The following GCG variants were observed in gnomAD, a reference collection of about 807,000 sequenced individuals.
GCG encodes the protein pro-glucagon.
GCG carries 11 observed loss-of-function variants against 22.8 expected under a neutral mutation model. The ratio of observed to expected loss-of-function variants is 0.48; its 90% CI spans 0.30 to 0.80. The LOEUF is 0.80. GCG is among the 30% of genes least tolerant of loss of function. The pLI is 0.06. For missense variants in GCG, 222 were observed against 222.0 expected, an observed-to-expected ratio of 1.00 and a Z score of 0.00; for synonymous variants, 89 against 72.4, an observed-to-expected ratio of 1.23 and a Z score of -1.16.
chr2:162,149,547 C>A (rs1686783448), intron 1 of GCG, among the ~76,000 whole-genome samples: 2 of 152,020 alleles, frequency 1.3e-5, no homozygotes, highest in African/African-American at 4.8e-5. Flanking sequence ...TATGGTTAGC[C>A]TGAATGGCAC....
At position 162,147,429 on chromosome 2, in the gene GCG, T is replaced by C. The variant is rs1037733674; in HGVS notation, c.178A>G (p.Ser60Gly). 2.5e-6 allele frequency: 4 copies of C among 1,612,690 alleles called. No homozygotes were observed. Among genetic ancestry groups the C allele is most frequent in the African/African-American group, 2.7e-5 (2 of 74,856 alleles). Residue 60 changes from serine (S) to glycine (G), a missense_variant, in exon 3 of 6, where the codon AGT becomes GGT. Transcript: ENST00000418842. Reference sequence around the variant, plus strand: ...GAGTCCAGATACTTGCTGTAGTCACTGGTGAATGTGCCCTGTGAATGGCGC... The same window carrying C: ...GAGTCCAGATACTTGCTGTAGTCACCGGTGAATGTGCCCTGTGAATGGCGC... ...DKRHSQGTFT[S>G]DYSKYLDSRR... is the part of the protein sequence containing the mutation.
rs765303986 is a variant in GCG, at chr2:162,144,134, G to A, written c.429C>T (p.Gly143=). ...PEEVAIVEEL[G]RRHADGSFSD... is the part of the protein sequence containing the mutation. ...AGAAAGAACCATCAGCATGTCTGCG[G>A]CCAAGTTCTTCAACAATGGCGACCT... is the stretch of plus-strand genomic sequence containing the variant. The change falls in exon 5 of 6, where the codon GGC becomes GGT. Residue 143 remains glycine (G), a synonymous_variant. Transcript: ENST00000418842. The A allele has an allele frequency of 6.1e-5, 98 of 1,611,488 alleles. No individual in the cohort carries two copies. The highest frequency in any genetic ancestry group is 8.2e-5 in the Non-Finnish European group (96 of 1,177,830).
chr2:162,150,494 C>T (rs940345115), intron 1 of GCG, among the ~76,000 whole-genome samples: 16 of 151,976 alleles, frequency 1.1e-4, no homozygotes, highest in Non-Finnish European at 2.1e-4. Flanking sequence ...GATGATTAGA[C>T]AAAGGAACAT....
Position 162,145,604 on chromosome 2 carries a change from A to G in GCG, c.328T>C (p.Tyr110His), listed in dbSNP as rs1045696972. The change falls in exon 4 of 6, where the codon TAT becomes CAT. Residue 110 changes from tyrosine (Y) to histidine (H), a missense_variant. By Grantham distance (83) the Tyr-to-His change is moderately conservative (BLOSUM62 2). Coordinates refer to ENST00000418842, the MANE Select transcript of GCG (RefSeq NM_002054.5). The stretch of plus-strand genomic sequence containing the variant: ...TCCTTGGCAGCTTGGCCTTCCAAAT[A>G]AGAACTTACATCACTGGTAAAGGTC... The part of the protein sequence containing the change: ...EGTFTSDVSS[Y>H]LEGQAAKEFI... 2 of 1,612,208 alleles carry G rather than the reference A, an allele frequency of 1.2e-6. No individual in the cohort carries two copies. The highest frequency in any genetic ancestry group is 1.7e-6 in the Non-Finnish European group (2 of 1,178,826).
At chr2:162,144,234 T>A (rs898951298) in intron 4 of GCG, 64 bp from the exon 5 acceptor site, 74 of 1,253,136 alleles carry the variant, frequency 5.9e-5, no homozygotes, top group Non-Finnish European at 8.4e-5. Context: ...TCACAGATTG[T>A]CTACCACTGG....
At chr2:162,149,249 G>T in intron 1 of GCG, 62 bp from the exon 2 acceptor site, 1 of 883,920 alleles carries the variant, frequency 1.1e-6, no homozygotes, top group South Asian at 1.4e-5. Context: ...AAACATGTCA[G>T]GCTAAATTAA....
chr2:162,149,217 AG>A (rs1342506887), intron 1 of GCG, 30 bp from the exon 2 acceptor site: 3 of 1,255,468 alleles, frequency 2.4e-6, no homozygotes, highest in African/African-American at 1.5e-5. Context: ...GGGTAGGGTG[AG>A]GGGGGCAGGC....
Position 162,144,045 on chromosome 2 carries a change from T to A in GCG, c.518A>T (p.Gln173Leu). 1 of 1,613,118 alleles carries A rather than the reference T, an allele frequency of 6.2e-7. No individual in the cohort carries two copies. The highest frequency in any genetic ancestry group is 1.7e-5 in the Admixed American group (1 of 59,898). The change falls in exon 5 of 6, where the codon CAG (glutamine) becomes CTG (leucine). Residue 173 changes from glutamine to leucine, a missense_variant. Gln to Leu is a moderately radical substitution (Grantham distance 113). Transcript: ENST00000418842. ...CAGTCACCTGTCAGTGATTTTGGTC[T>A]GAATCAACCAGTTTATAAAGTCCCT... ...AARDFINWLIQTKITDRK is the reference protein window; with the variant it reads ...AARDFINWLILTKITDRK
rs368278814 is a variant in GCG at position 162,143,038 on chromosome 2, G to A, written c.*326C>T. The A allele has an allele frequency of 6.3e-5, 13 of 206,008 alleles. No individual in the cohort carries two copies. The South Asian group carries it at 7.3e-4, about 11-fold the overall frequency. 12.8% of individuals were successfully genotyped at this position (206,008 alleles called of 1,614,324 possible). A position where few individuals can be genotyped will look rare whatever the true frequency, so the allele number is the denominator to read the frequency against. On this transcript the variant is annotated 3_prime_UTR_variant, in exon 6 of 6. Transcript: ENST00000418842. ...TATTATAATGCAGATATGTCAGATC[G>A]GAATAATTTACATTTACAAATTATA...
In GCG at chr2:162,149,089, G is replaced by C. The variant is rs1197195801; in HGVS notation, c.90C>G (p.Ser30=). The part of the protein sequence containing the change: ...QRSLQDTEEK[S]RSFSASQADP... ...GTTCGAGACTACGGATTTAATACCT[G>C]GATTTCTCCTCTGTGTCTTGAAGGG... The change falls in exon 2 of 6, where the codon TCC becomes TCG. Residue 30 remains serine, a splice_region_variant and synonymous_variant. Coordinates refer to ENST00000418842, the MANE Select transcript of GCG (RefSeq NM_002054.5). The C allele has an allele frequency of 1.3e-6, 2 of 1,590,802 alleles. No homozygotes were observed. Among genetic ancestry groups the C allele is most frequent in the East Asian group, 4.5e-5 (2 of 44,722 alleles).
At chr2:162,147,024 A>G (rs1576113423) in intron 3 of GCG, among the ~76,000 whole-genome samples, 2 of 152,256 alleles carry the variant, frequency 1.3e-5, no homozygotes, top group African/African-American at 4.8e-5. Context: ...TTTGGTAGAA[A>G]TTAGATTGGT....
intron 2 of GCG, among the ~76,000 whole-genome samples, chr2:162,148,189 A>G (rs935221674): frequency 2.6e-5 from 4 of 152,114 alleles, no homozygotes; most frequent in African/African-American, 9.7e-5. Flanking sequence ...GAGTATTTCT[A>G]TACTGCTGAT....
Position 162,143,304 on chromosome 2 carries a change from T to A in GCG, c.*60A>T. ...TCTTAAATTTACAGGACTTAACATT[T>A]CAAACATCCCACGTGGCTAGCAGGT... On this transcript the variant is annotated 3_prime_UTR_variant, in exon 6 of 6. Transcript: ENST00000418842. 1.1e-6 allele frequency: 1 copy of A among 935,936 alleles called. No homozygotes were observed. Among genetic ancestry groups the A allele is most frequent in the South Asian group, 2.0e-5 (1 of 49,432 alleles). The allele number at this position is 935,936 out of a possible 1,614,324, so 58.0% of individuals were successfully genotyped here.
chr2:162,147,332 G>A (rs2106196423), intron 3 of GCG, 21 bp downstream of exon 3: 1 of 1,589,150 alleles, frequency 6.3e-7, no homozygotes, highest in East Asian at 2.2e-5. Flanking sequence ...AGCAAGTTTT[G>A]AGCCAGGCTT....
At chr2:162,151,274 C>G (rs991049966) in intron 1 of GCG, among the ~76,000 whole-genome samples, 1 of 152,058 alleles carries the variant, frequency 6.6e-6, no homozygotes, top group Non-Finnish European at 1.5e-5. Flanking sequence ...ACATTATGTT[C>G]TATCCCCAAA....
At chr2:162,147,241 C>G (rs1686710992) in intron 3 of GCG, 112 bp downstream of exon 3, 2 of 794,872 alleles carry the variant, frequency 2.5e-6, no homozygotes, top group Non-Finnish European at 4.2e-6. Context: ...TCAAAATGAT[C>G]AGGGCTTATG....
At chr2:162,149,679 G>A (rs908363291) in intron 1 of GCG, among the ~76,000 whole-genome samples, 1 of 152,040 alleles carries the variant, frequency 6.6e-6, no homozygotes, top group Non-Finnish European at 1.5e-5. Context: ...CTACAACTTG[G>A]CATACCAGCT....
In GCG at chr2:162,147,361, C is replaced by G; in HGVS notation, c.246G>C (p.Lys82Asn). ...CAGGCTTAGACTCTTACCTGTTCCT[C>G]TTGGTATTCATCAACCACTGCACAA... ...QDFVQWLMNT[K>N]RNRNNIAKRH... Residue 82 changes from lysine (K) to asparagine (N), a missense_variant, in exon 3 of 6, where the codon AAG becomes AAC. Lys to Asn is a moderately conservative substitution (Grantham distance 94, BLOSUM62 0). Coordinates refer to ENST00000418842, the MANE Select transcript of GCG (RefSeq NM_002054.5). 1.2e-6 allele frequency: 2 copies of G among 1,612,550 alleles called. No individual in the cohort carries two copies. The highest frequency in any genetic ancestry group is 1.7e-6 in the Non-Finnish European group (2 of 1,178,808).
intron 1 of GCG, 36 bp from the exon 2 acceptor site, chr2:162,149,223 G>C: frequency 1.7e-6 from 2 of 1,153,624 alleles, no homozygotes; most frequent in Non-Finnish European, 2.6e-6. Context: ...GGTGAGGGGG[G>C]CAGGCAAGGA....
Sources: gnomAD v4.1 joint callset for allele counts (sites outside exome capture counted in the v4.1 genomes callset) on GRCh38, gnomAD v4.1.1 for gene constraint, MANE v1.5 for transcripts, NCBI Gene and HGNC (gene_info 2026-07-23, HGNC 2026-07-21) for gene names.